CORO2B: variants seen among roughly 807,000 people sequenced by gnomAD.
CORO2B encodes the protein coronin-2B.
Under a neutral mutation model 58.8 loss-of-function variants are expected in CORO2B, and 26 were observed. The ratio of observed to expected loss-of-function variants is 0.44; its 90% CI spans 0.32 to 0.61. The LOEUF (loss-of-function observed/expected upper bound fraction) is 0.61. Ranked by LOEUF, CORO2B falls within the 20% of genes least tolerant of loss-of-function variation. The probability of loss-of-function intolerance (pLI) is 0.04; values close to 1 mark genes in which losing one functional copy is unlikely to be tolerated. For synonymous variants in CORO2B, 242 were observed against 253.8 expected, an observed-to-expected ratio of 0.95 and a Z score of 0.44; for missense variants, 460 against 645.1, an observed-to-expected ratio of 0.71 and a Z score of 3.11.
Position 68,725,921 on chromosome 15 carries a change from C to T in CORO2B, c.1390C>T (p.Arg464Trp), listed in dbSNP as rs146678597. 21 of 1,613,926 alleles carry T rather than the reference C, an allele frequency of 1.3e-5. No homozygotes were observed. The highest frequency in any genetic ancestry group is 8.0e-5 in the African/African-American group (6 of 74,914). The change falls in exon 12 of 12, where the codon CGG (arginine) becomes TGG (tryptophan). Residue 464 changes from arginine to tryptophan, a missense_variant. Around this residue, in one of 2 missense-constraint regions of CORO2B, gnomAD observed 108 missense variants for 102.1 expected, o/e 1.06. Transcript: ENST00000261861. ...GCTGGCCCAGAAGGACATCCGCATT[C>T]GGCAGCTCCAGCTGGAACTGAAAAA... ...EELAQKDIRI[R>W]QLQLELKNLR...
chr15:68,601,997 C>T (rs1294309090), intron 1 of CORO2B, among the ~76,000 whole-genome samples: 3 of 149,122 alleles, frequency 2.0e-5, no homozygotes, highest in South Asian at 4.3e-4. Context: ...AGGCCAAACA[C>T]GATGGGAAGG....
chr15:68,682,642 G>A (rs1902828739), intron 2 of CORO2B, among the ~76,000 whole-genome samples: 1 of 152,134 alleles, frequency 6.6e-6, no homozygotes. Context: ...GAAACCCCAG[G>A]AGGGGCAAGG....
rs534250291 is a variant in CORO2B, at chr15:68,701,634, CG to C, written c.333+6379del. On this transcript the variant is annotated intron_variant, in intron 3 of 11. Coordinates refer to ENST00000261861, the MANE Select transcript of CORO2B (RefSeq NM_006091.5). Reference sequence around the variant, plus strand: ...CCGTGTAGCTGGGACTACAGGTGCGCGCCACCATGCCCGGCTAATTTTTGTA... The same window carrying C: ...CCGTGTAGCTGGGACTACAGGTGCGCCCACCATGCCCGGCTAATTTTTGTA... 1.2e-4 allele frequency among the ~76,000 whole-genome samples: 18 copies of C among 151,618 alleles called. No individual in the cohort carries two copies. In the East Asian group the frequency reaches 3.3e-3, roughly 28 times the overall value.
At chr15:68,526,170 T>C in the CORO2B span, among the ~76,000 whole-genome samples, 6 of 152,206 alleles carry the variant, frequency 3.9e-5, no homozygotes, top group Admixed American at 2.6e-4. Flanking sequence ...CACTCACCAG[T>C]TTATGCATGT....
chr15:68,552,350 CT>C, the CORO2B span, among the ~76,000 whole-genome samples: 9 of 152,052 alleles, frequency 5.9e-5, no homozygotes, highest in Admixed American at 5.9e-4. Context: ...AAAAGGACCC[CT>C]GTTCATCTGC....
At chr15:68,695,100 A>G (rs758128384) in intron 2 of CORO2B, 40 bp from the exon 3 acceptor site, 4 of 1,551,624 alleles carry the variant, frequency 2.6e-6, no homozygotes, top group Admixed American at 1.7e-5. Context: ...AGGGCCATCA[A>G]ACTAATCTCC....
At chr15:68,694,227 C>G (rs1892455408) in intron 2 of CORO2B, among the ~76,000 whole-genome samples, 1 of 152,162 alleles carries the variant, frequency 6.6e-6, no homozygotes, top group South Asian at 2.1e-4. Flanking sequence ...AGACTTTCTG[C>G]AGGAGGTGTC....
chr15:68,636,331 G>A lies in CORO2B; in HGVS notation c.16-8829G>A, dbSNP rs147537231. Among the ~76,000 whole-genome samples the A allele has an allele frequency of 3.6e-4, 55 of 152,224 alleles. 1 individual carries two copies. In the East Asian group the frequency reaches 9.1e-3, roughly 25 times the overall value. ...GCTACAGCCTTCTCCTTACATGTCCGGCCTTGTTCACCAGAGCAGGAAAGG... is the reference window on the plus strand; with the variant it reads ...GCTACAGCCTTCTCCTTACATGTCCAGCCTTGTTCACCAGAGCAGGAAAGG... On this transcript the variant is annotated intron_variant, in intron 1 of 11. Coordinates refer to ENST00000261861, the MANE Select transcript of CORO2B (RefSeq NM_006091.5).
In CORO2B at chr15:68,702,555, TG is replaced by T. The variant is rs965997833; in HGVS notation, c.333+7300del. 1.8e-4 allele frequency among the ~76,000 whole-genome samples: 28 copies of T among 152,236 alleles called. 1 individual carries two copies. Among genetic ancestry groups the T allele is most frequent in the Non-Finnish European group, 2.8e-4 (19 of 68,020 alleles). On this transcript the variant is annotated intron_variant, in intron 3 of 11. Transcript: ENST00000261861. Reference sequence around the variant, plus strand: ...AGATTCTACCTCTTGTTTAGATGAATGATGATAAACTCAATTTTTAGAATGA... The same window carrying T: ...AGATTCTACCTCTTGTTTAGATGAATATGATAAACTCAATTTTTAGAATGA...
intron 2 of CORO2B, among the ~76,000 whole-genome samples, chr15:68,665,250 C>T (rs1366323776): frequency 6.6e-6 from 1 of 152,030 alleles, no homozygotes; most frequent in Admixed American, 6.6e-5. Context: ...CTTTCCCCTA[C>T]TGATTTGAGA....
chr15:68,626,011 T>C (rs1266652580), intron 1 of CORO2B, among the ~76,000 whole-genome samples: 1 of 152,242 alleles, frequency 6.6e-6, no homozygotes, highest in Non-Finnish European at 1.5e-5. Context: ...ACAGCTTTTC[T>C]TCCTGGGGTA....
intron 8 of CORO2B, 65 bp from the exon 9 acceptor site, chr15:68,718,633 A>T: frequency 2.2e-6 from 3 of 1,363,970 alleles, no homozygotes; most frequent in Non-Finnish European, 3.1e-6. Context: ...CCAGAACATC[A>T]TGGGGTGATG....
chr15:68,596,539 G>A (rs76603133), intron 1 of CORO2B, among the ~76,000 whole-genome samples: 131 of 152,224 alleles, frequency 8.6e-4, no homozygotes, highest in African/African-American at 3.0e-3. Context: ...GAGATTGAAG[G>A]GGAAGGTGGG....
intron 1 of CORO2B, among the ~76,000 whole-genome samples, chr15:68,638,475 C>T (rs1901106585): frequency 6.6e-6 from 1 of 152,154 alleles, no homozygotes; most frequent in Non-Finnish European, 1.5e-5. Flanking sequence ...CAAAGTCGTA[C>T]AACTAACAAG....
chr15:68,527,031 G>A, the CORO2B span, among the ~76,000 whole-genome samples: 3 of 152,286 alleles, frequency 2.0e-5, no homozygotes, highest in Admixed American at 6.5e-5. Context: ...AGAAAAGGCC[G>A]TGGGAGGACA....
chr15:68,564,448 A>G, the CORO2B span, among the ~76,000 whole-genome samples: 36 of 151,964 alleles, frequency 2.4e-4, no homozygotes, highest in South Asian at 7.3e-3. Flanking sequence ...GGACTACAGG[A>G]GCGTGCCACT....
intron 2 of CORO2B, among the ~76,000 whole-genome samples, chr15:68,685,125 T>C (rs1012074872): frequency 6.6e-6 from 1 of 152,102 alleles, no homozygotes; most frequent in African/African-American, 2.4e-5. Flanking sequence ...CTCCTTTACA[T>C]GCTCATCACC....
At chr15:68,569,767 G>A in the CORO2B span, among the ~76,000 whole-genome samples, 2 of 152,230 alleles carry the variant, frequency 1.3e-5, no homozygotes, top group Non-Finnish European at 2.9e-5. Flanking sequence ...ATGAATGAGA[G>A]TTCCTGTGGC....
intron 1 of CORO2B, among the ~76,000 whole-genome samples, chr15:68,609,655 G>A (rs570999762): frequency 6.6e-6 from 1 of 152,246 alleles, no homozygotes; most frequent in Admixed American, 6.5e-5. Flanking sequence ...GCCTGAGCCC[G>A]CTGTCCCCTC....
Sources: gnomAD v4.1 joint callset for allele counts (sites outside exome capture counted in the v4.1 genomes callset) on GRCh38, gnomAD v4.1.1 for gene constraint, gnomAD v4.1.1 regional missense constraint, MANE v1.5 for transcripts, NCBI Gene and HGNC (gene_info 2026-07-23, HGNC 2026-07-21) for gene names.